The following MACROD1 variants were observed in gnomAD, a reference collection of about 807,000 sequenced individuals.
MACROD1 encodes the protein ADP-ribose glycohydrolase MACROD1.
In MACROD1, 31 loss-of-function variants were observed where a neutral mutation model predicts 41.4. That is an observed-to-expected ratio of 0.75 (90% CI 0.56 to 1.01). The LOEUF (loss-of-function observed/expected upper bound fraction) is 1.01, where lower values mean the gene tolerates loss of function less well. MACROD1 is among the 50% of genes least tolerant of loss of function. The pLI is 0.00. For synonymous variants in MACROD1, 252 were observed against 203.4 expected, an observed-to-expected ratio of 1.24 and a Z score of -2.03; for missense variants, 473 against 460.0, an observed-to-expected ratio of 1.03 and a Z score of -0.26.
At position 64,117,706 on chromosome 11, in the gene MACROD1, T is replaced by C. The variant is rs776740360; in HGVS notation, c.517+33533A>G. 3 of 1,613,530 alleles carry C rather than the reference T, an allele frequency of 1.9e-6. No homozygotes were observed. Among genetic ancestry groups the C allele is most frequent in the Non-Finnish European group, 2.5e-6 (3 of 1,179,950 alleles). On this transcript the variant is annotated intron_variant, in intron 3 of 10. Transcript: ENST00000255681. ...GGCCACAGCCCAGCCGTGGGCTCCA[T>C]CACGGAGACCTTGGTGCAGGGGGAC...
intron 3 of MACROD1, among the ~76,000 whole-genome samples, chr11:64,021,950 G>GGT (rs1268826541): frequency 1.6e-5 from 1 of 61,012 alleles, no homozygotes; most frequent in East Asian, 6.6e-4. Context: ...GGGGGGGGGG[G>GGT]GTGTGAGGTG....
In MACROD1 at chr11:64,041,199, T is replaced by TAAAAAAAAAAAA. The variant is rs71045724; in HGVS notation, c.518-25930_518-25919dup. ...AGATTACAACAGATTTAGCAAACTGTAAAAAAAAAAAAAAAAAAAAAAAAA... is the reference window on the plus strand; with the variant it reads ...AGATTACAACAGATTTAGCAAACTGTAAAAAAAAAAAAAAAAAAAAAAAAAAAAAAAAAAAAA... On this transcript the variant is annotated intron_variant, in intron 3 of 10. Coordinates refer to ENST00000255681, the MANE Select transcript of MACROD1 (RefSeq NM_014067.4). Among the ~76,000 whole-genome samples, 32 of 21,602 alleles carry TAAAAAAAAAAAA rather than the reference T, an allele frequency of 1.5e-3. 5 individuals carry two copies. Among genetic ancestry groups the TAAAAAAAAAAAA allele is most frequent in the African/African-American group, 1.8e-3 (11 of 6,210 alleles). The allele number at this position is 21,602 out of a possible 152,430, so 14.2% of individuals were successfully genotyped here. A position where few individuals can be genotyped will look rare whatever the true frequency, so the allele number is the denominator to read the frequency against.
intron 3 of MACROD1, among the ~76,000 whole-genome samples, chr11:64,113,871 C>CATGG (rs202172057): frequency 0.46 from 34,985 of 76,614 alleles, 5,128 homozygotes; most frequent in East Asian, 0.6. Context: ...TGGATTGATA[C>CATGG]ATGGATGGAT....
At chr11:64,050,316 G>A (rs901841912) in intron 3 of MACROD1, among the ~76,000 whole-genome samples, 1 of 152,168 alleles carries the variant, frequency 6.6e-6, no homozygotes, top group Non-Finnish European at 1.5e-5. Flanking sequence ...CCCAGAGCTT[G>A]ACTGAGTTTA....
rs994487938 is a variant in MACROD1, at chr11:64,090,005, C to A, written c.517+61234G>T. On this transcript the variant is annotated intron_variant, in intron 3 of 10. Coordinates refer to ENST00000255681, the MANE Select transcript of MACROD1 (RefSeq NM_014067.4). This position sits in a 1 kb window ranked among gnomAD's most constrained non-coding sequence, Gnocchi z 4.7. Reference sequence around the variant, plus strand: ...CATTGTTTCAGCACTTATGACAAGGCCCTCCATCCAAGTAACAAACAAAAG... The same window carrying A: ...CATTGTTTCAGCACTTATGACAAGGACCTCCATCCAAGTAACAAACAAAAG... 2.0e-5 allele frequency among the ~76,000 whole-genome samples: 3 copies of A among 152,124 alleles called. No homozygotes were observed. Among genetic ancestry groups the A allele is most frequent in the Non-Finnish European group, 4.4e-5 (3 of 68,014 alleles).
chr11:64,125,198 C>T (rs557770747), intron 3 of MACROD1, among the ~76,000 whole-genome samples: 22 of 152,214 alleles, frequency 1.4e-4, no homozygotes, highest in South Asian at 8.3e-4. Context: ...ACTGCCCCCA[C>T]GTCCTAACAA....
chr11:64,017,672 C>T (rs1256609404), intron 3 of MACROD1, among the ~76,000 whole-genome samples: 1 of 152,184 alleles, frequency 6.6e-6, no homozygotes, highest in African/African-American at 2.4e-5. Context: ...CAGTGCCACC[C>T]CAGAGCCAGC....
chr11:64,008,774 C>A (rs1264316859), intron 4 of MACROD1, among the ~76,000 whole-genome samples: 1 of 152,166 alleles, frequency 6.6e-6, no homozygotes, highest in Admixed American at 6.5e-5. Context: ...AGCGGGGTCG[C>A]TAACCTCAGG....
At position 64,036,673 on chromosome 11, in the gene MACROD1, A is replaced by G. The variant is rs1480906381; in HGVS notation, c.518-21392T>C. On this transcript the variant is annotated intron_variant, in intron 3 of 10. Transcript: ENST00000255681. The surrounding 1 kb of genome is among the most constrained non-coding windows in gnomAD (Gnocchi z 5.6). ...GAGGTTTTATTTTTAAAACGACTTC[A>G]AGGGGGGCATGAGCAGCCTCCAACT... is the stretch of plus-strand genomic sequence containing the variant. Among the ~76,000 whole-genome samples the G allele has an allele frequency of 6.6e-6, 1 of 151,938 alleles. No individual in the cohort carries two copies. The highest frequency in any genetic ancestry group is 1.5e-5 in the Non-Finnish European group (1 of 67,948).
At chr11:64,039,341 T>C (rs909219255) in intron 3 of MACROD1, among the ~76,000 whole-genome samples, 1 of 152,126 alleles carries the variant, frequency 6.6e-6, no homozygotes, top group African/African-American at 2.4e-5. Context: ...AGCGCCAGCC[T>C]CTGGGAGGCC....
chr11:64,044,546 A>G (rs929233374), intron 3 of MACROD1, among the ~76,000 whole-genome samples: 3 of 152,180 alleles, frequency 2.0e-5, no homozygotes, highest in African/African-American at 4.8e-5. Flanking sequence ...CTCTCCCAGC[A>G]ACTTCTGAAG....
intron 3 of MACROD1, among the ~76,000 whole-genome samples, chr11:64,121,791 T>C (rs1173555843): frequency 6.6e-6 from 1 of 152,190 alleles, no homozygotes; most frequent in Non-Finnish European, 1.5e-5. Context: ...GTAGCCAGAA[T>C]AACCTCAGCG....
At position 64,090,134 on chromosome 11, in the gene MACROD1, G is replaced by A. The variant is rs964537602; in HGVS notation, c.517+61105C>T. 2.0e-5 allele frequency among the ~76,000 whole-genome samples: 3 copies of A among 152,130 alleles called. No individual in the cohort carries two copies. Among genetic ancestry groups the A allele is most frequent in the African/African-American group, 4.8e-5 (2 of 41,414 alleles). ...GGGAAGATATGCACCCTCTCCCCAC[G>A]GGGCTAGGGACTCATCTCTGCCTGT... On this transcript the variant is annotated intron_variant, in intron 3 of 10. Transcript: ENST00000255681. This position sits in a 1 kb window ranked among gnomAD's most constrained non-coding sequence, Gnocchi z 4.7.
chr11:64,017,118 C>A (rs561730419), intron 3 of MACROD1, among the ~76,000 whole-genome samples: 1 of 152,090 alleles, frequency 6.6e-6, no homozygotes, highest in Admixed American at 6.5e-5. Context: ...TACAGGCATG[C>A]GCCACCACAC....
intron 3 of MACROD1, among the ~76,000 whole-genome samples, chr11:64,108,986 A>T (rs1208595567): frequency 2.0e-5 from 3 of 152,090 alleles, no homozygotes; most frequent in African/African-American, 7.2e-5. Flanking sequence ...GGGGTGGGGG[A>T]GACGTGACCA....
At chr11:64,103,016 A>G (rs1356227443) in intron 3 of MACROD1, among the ~76,000 whole-genome samples, 1 of 151,942 alleles carries the variant, frequency 6.6e-6, no homozygotes, top group African/African-American at 2.4e-5. Context: ...GGTCGCAGTG[A>G]GCCGAGATTG....
At chr11:64,101,585 C>A (rs968856570) in intron 3 of MACROD1, among the ~76,000 whole-genome samples, 2 of 152,108 alleles carry the variant, frequency 1.3e-5, no homozygotes, top group African/African-American at 4.8e-5. Context: ...AGGCGGATGA[C>A]CTCACTGGAC....
intron 3 of MACROD1, among the ~76,000 whole-genome samples, chr11:64,029,349 G>A (rs1342671278): frequency 2.0e-5 from 3 of 152,172 alleles, no homozygotes; most frequent in African/African-American, 2.4e-5. Flanking sequence ...GCCGGCAGAA[G>A]AGGCACAGTG....
chr11:64,047,525 G>A (rs1325928195), intron 3 of MACROD1, among the ~76,000 whole-genome samples: 1 of 152,168 alleles, frequency 6.6e-6, no homozygotes, highest in Non-Finnish European at 1.5e-5. Flanking sequence ...GGCATTCACA[G>A]AGGATCACAT....
Sources: allele counts gnomAD v4.1 joint callset (sites outside exome capture counted in the v4.1 genomes callset), GRCh38; gene constraint gnomAD v4.1.1; non-coding constraint Gnocchi (gnomAD v3.1); transcripts MANE v1.5; gene names NCBI Gene and HGNC (gene_info 2026-07-23, HGNC 2026-07-21).